The following FOXN3 variants were observed in gnomAD, a reference collection of about 807,000 sequenced individuals.
FOXN3 encodes forkhead box N3, also known as forkhead box protein N3.
In FOXN3, 7 loss-of-function variants were observed where a neutral mutation model predicts 38.4. That is an observed-to-expected ratio of 0.18 (90% CI 0.10 to 0.34). The LOEUF is 0.34. Among genes scored for constraint, FOXN3 ranks in the 10% least tolerant of loss-of-function variants. FOXN3 has a pLI of 1.00. For synonymous variants in FOXN3, 230 were observed against 242.2 expected (o/e 0.95, Z 0.47); for missense variants, 456 against 613.4 (o/e 0.74, Z 2.71).
At chr14:89,587,213 T>C (rs1485116108) in intron 1 of FOXN3, among the ~76,000 whole-genome samples, 2 of 152,262 alleles carry the variant, frequency 1.3e-5, no homozygotes, top group Non-Finnish European at 2.9e-5. Flanking sequence ...ACTGATTAGG[T>C]GAGGCCCACC....
intron 3 of FOXN3, among the ~76,000 whole-genome samples, chr14:89,299,976 T>A (rs1887167079): frequency 6.6e-6 from 1 of 152,186 alleles, no homozygotes; most frequent in South Asian, 2.1e-4. Context: ...CTGGCCACAC[T>A]TGCATCTTCT....
intron 1 of FOXN3, among the ~76,000 whole-genome samples, chr14:89,539,823 C>T (rs1331653042): frequency 6.6e-6 from 1 of 152,130 alleles, no homozygotes; most frequent in African/African-American, 2.4e-5. Flanking sequence ...GGCAGCTGTG[C>T]CTTCTGATAC....
intron 4 of FOXN3, among the ~76,000 whole-genome samples, chr14:89,185,183 GTC>G (rs1566923669): frequency 2.0e-5 from 3 of 152,204 alleles, no homozygotes; most frequent in South Asian, 2.1e-4. Context: ...ATCATTGGCA[GTC>G]TTCTCCATGG....
chr14:89,163,037 G>T lies in FOXN3; in HGVS notation c.852-68C>A. ...GGACACAGTTAGACGTCCTCAGATG[G>T]GGGCACCCGGCAGCCCGCCTGCATT... On this transcript the variant is annotated intron_variant, in intron 5 of 5. Coordinates refer to ENST00000557258, the MANE Select transcript of FOXN3 (RefSeq NM_005197.4). This position sits in a 1 kb window ranked among gnomAD's most constrained non-coding sequence, Gnocchi z 4.3. The T allele has an allele frequency of 1.4e-6, 2 of 1,403,030 alleles. No homozygotes were observed. The highest frequency in any genetic ancestry group is 1.5e-5 in the South Asian group (1 of 65,466). The allele number at this position is 1,403,030 out of a possible 1,614,324, so 86.9% of individuals were successfully genotyped here.
intron 2 of FOXN3, among the ~76,000 whole-genome samples, chr14:89,371,556 C>T (rs551797850): frequency 6.6e-6 from 1 of 152,054 alleles, no homozygotes; most frequent in Non-Finnish European, 1.5e-5. Flanking sequence ...TTGGTCCTCT[C>T]CCCAGTCTAT....
chr14:89,569,839 C>G (rs1340257745), intron 1 of FOXN3, among the ~76,000 whole-genome samples: 3 of 152,060 alleles, frequency 2.0e-5, no homozygotes. Context: ...TGGCCATCAC[C>G]CTGACTCCTC....
intron 4 of FOXN3, among the ~76,000 whole-genome samples, chr14:89,187,399 C>G (rs1887835957): frequency 6.6e-6 from 1 of 152,224 alleles, no homozygotes; most frequent in Non-Finnish European, 1.5e-5. Flanking sequence ...ACCCCTCAAC[C>G]TAGAGAAGAC....
intron 1 of FOXN3, among the ~76,000 whole-genome samples, chr14:89,509,103 C>A (rs1894005558): frequency 6.6e-6 from 1 of 152,060 alleles, no homozygotes. Context: ...TTCCACCCAC[C>A]CTGACCTCCC....
At chr14:89,187,892 C>T (rs1389889730) in intron 4 of FOXN3, among the ~76,000 whole-genome samples, 1 of 152,180 alleles carries the variant, frequency 6.6e-6, no homozygotes, top group Non-Finnish European at 1.5e-5. Flanking sequence ...TGCCCTTGAC[C>T]TCCAGGGCAT....
intron 4 of FOXN3, among the ~76,000 whole-genome samples, chr14:89,213,126 G>A (rs927247166): frequency 1.3e-5 from 2 of 152,136 alleles, no homozygotes; most frequent in Non-Finnish European, 2.9e-5. Context: ...AAGTGTCAGA[G>A]CAGATGGATA....
At chr14:89,312,547 G>A (rs1284523757) in intron 3 of FOXN3, among the ~76,000 whole-genome samples, 1 of 152,144 alleles carries the variant, frequency 6.6e-6, no homozygotes, top group African/African-American at 2.4e-5. Context: ...GGTAGGGAAA[G>A]AAACTGGGAT....
intron 2 of FOXN3, among the ~76,000 whole-genome samples, chr14:89,393,919 T>G (rs1891028812): frequency 6.6e-6 from 1 of 152,112 alleles, no homozygotes; most frequent in Non-Finnish European, 1.5e-5. Context: ...TTGGGAGTTG[T>G]GGATAATTTA....
intron 1 of FOXN3, among the ~76,000 whole-genome samples, chr14:89,590,129 A>G (rs1201399361): frequency 4.6e-5 from 7 of 150,710 alleles, no homozygotes; most frequent in African/African-American, 1.7e-4. Context: ...ATGACACACA[A>G]TAGAGAACAT....
chr14:89,448,003 G>A (rs997069861), intron 1 of FOXN3, among the ~76,000 whole-genome samples: 3 of 151,532 alleles, frequency 2.0e-5, no homozygotes, highest in East Asian at 1.9e-4. Context: ...TAGTAGAGAC[G>A]GGGTTTCACC....
chr14:89,281,060 C>A, intron 3 of FOXN3, 46 bp from the exon 4 acceptor site: 1 of 1,513,752 alleles, frequency 6.6e-7, no homozygotes, highest in Non-Finnish European at 9.1e-7. Flanking sequence ...CATCTGCACT[C>A]ACACACCTGC....
intron 2 of FOXN3, among the ~76,000 whole-genome samples, chr14:89,381,145 C>CAAAAAAAA (rs71130067): frequency 3.1e-5 from 2 of 64,204 alleles, no homozygotes; most frequent in Non-Finnish European, 3.0e-5. Flanking sequence ...CCCTCCGTCT[C>CAAAAAAAA]AAAAAAAAAA....
intron 2 of FOXN3, among the ~76,000 whole-genome samples, chr14:89,383,910 C>A (rs576556706): frequency 1.3e-5 from 2 of 151,926 alleles, no homozygotes; most frequent in African/African-American, 4.8e-5. Flanking sequence ...GTGCCTCGGC[C>A]TCCCGAGTAG....
chr14:89,231,122 T>C (rs1487778615), intron 4 of FOXN3, among the ~76,000 whole-genome samples: 1 of 152,196 alleles, frequency 6.6e-6, no homozygotes, highest in Non-Finnish European at 1.5e-5. Flanking sequence ...TGGGGTGATT[T>C]TGTTGTTGTT....
At chr14:89,437,714 A>AT (rs1892300472) in intron 1 of FOXN3, among the ~76,000 whole-genome samples, 1 of 152,240 alleles carries the variant, frequency 6.6e-6, no homozygotes, top group Non-Finnish European at 1.5e-5. Flanking sequence ...CCATAAAAAT[A>AT]GGCAACCAGC....
Sources: gnomAD v4.1 joint callset for allele counts (sites outside exome capture counted in the v4.1 genomes callset) on GRCh38, gnomAD v4.1.1 for gene constraint, Gnocchi (gnomAD v3.1) non-coding constraint, MANE v1.5 for transcripts, NCBI Gene and HGNC (gene_info 2026-07-23, HGNC 2026-07-21) for gene names.